Variants in RBPJ observed in about 807,000 individuals in gnomAD.
RBPJ encodes the protein recombining binding protein suppressor of hairless.
In RBPJ, 9 loss-of-function variants were observed where a neutral mutation model predicts 67.8. That is an observed-to-expected ratio of 0.13 (90% CI 0.08 to 0.23). The LOEUF is 0.23. Ranked by LOEUF, RBPJ falls within the 10% of genes least tolerant of loss-of-function variation. The pLI is 1.00. For missense variants in RBPJ, 305 were observed against 595.6 expected (o/e 0.51, Z 5.08); for synonymous variants, 198 against 203.3 (o/e 0.97, Z 0.22).
chr4:26,247,673 G>C (rs1049417004), intron 1 of RBPJ, among the ~76,000 whole-genome samples: 2 of 152,122 alleles, frequency 1.3e-5, no homozygotes, highest in African/African-American at 4.8e-5. Flanking sequence ...GCCTCCCAAA[G>C]TGCTGGGATT....
upstream of RBPJ, among the ~76,000 whole-genome samples, chr4:26,316,453 A>G (rs1243824280): frequency 7.3e-6 from 1 of 136,372 alleles, no homozygotes; most frequent in Non-Finnish European, 1.5e-5. Flanking sequence ...ATACATTCAT[A>G]TATACATTCA....
At chr4:26,321,165 G>A in intron 1 of RBPJ, 117 bp downstream of exon 1, 4 of 487,534 alleles carry the variant, frequency 8.2e-6, no homozygotes, top group East Asian at 5.3e-5. Context: ...GCCCGCGGGG[G>A]CGGCGTCGCG....
chr4:26,248,431 A>G (rs1719996858), intron 1 of RBPJ, among the ~76,000 whole-genome samples: 2 of 152,218 alleles, frequency 1.3e-5, no homozygotes, highest in Admixed American at 1.3e-4. Context: ...CTTTTTAAAT[A>G]TGTGAAGTTC....
upstream of RBPJ, among the ~76,000 whole-genome samples, chr4:26,161,781 T>C (rs1716084804): frequency 6.6e-6 from 1 of 152,146 alleles, no homozygotes; most frequent in Non-Finnish European, 1.5e-5. Flanking sequence ...GTGGCTGCAT[T>C]ATAAGAGCCT....
At chr4:26,215,445 T>C (rs1418081708) in intron 1 of RBPJ, among the ~76,000 whole-genome samples, 2 of 141,302 alleles carry the variant, frequency 1.4e-5, no homozygotes, top group East Asian at 3.9e-4. Flanking sequence ...GACGACTACA[T>C]CAAAGAGGGA....
intron 3 of RBPJ, among the ~76,000 whole-genome samples, chr4:26,407,058 A>G (rs1733491187): frequency 6.6e-6 from 1 of 152,266 alleles, no homozygotes; most frequent in African/African-American, 2.4e-5. Context: ...CTGATCTTAC[A>G]AAATGAAATA....
At chr4:26,273,647 T>G (rs936176104) in intron 1 of RBPJ, among the ~76,000 whole-genome samples, 3 of 152,218 alleles carry the variant, frequency 2.0e-5, no homozygotes, top group African/African-American at 7.2e-5. Flanking sequence ...TACTAATCTT[T>G]CTGCAGAAGA....
At chr4:26,272,920 T>C (rs982881344) in intron 1 of RBPJ, among the ~76,000 whole-genome samples, 1 of 152,222 alleles carries the variant, frequency 6.6e-6, no homozygotes, top group African/African-American at 2.4e-5. Flanking sequence ...AGAGTTTCCA[T>C]GCCTAAGGTG....
At chr4:26,280,610 G>T (rs1366547115) in intron 1 of RBPJ, among the ~76,000 whole-genome samples, 1 of 152,046 alleles carries the variant, frequency 6.6e-6, no homozygotes, top group African/African-American at 2.4e-5. Flanking sequence ...AAATGGCTTG[G>T]AATAATGAAA....
chr4:26,355,916 C>G (rs1460990404), intron 1 of RBPJ, among the ~76,000 whole-genome samples: 4 of 152,180 alleles, frequency 2.6e-5, no homozygotes, highest in Non-Finnish European at 5.9e-5. Flanking sequence ...GAAGGGATTT[C>G]TTCTTCCACC....
intron 1 of RBPJ, among the ~76,000 whole-genome samples, chr4:26,186,656 G>C (rs1717275852): frequency 6.6e-6 from 1 of 152,054 alleles, no homozygotes; most frequent in Non-Finnish European, 1.5e-5. Flanking sequence ...GACCTGCTGA[G>C]GTCCACTCTC....
Position 26,416,636 on chromosome 4 carries a change from C to G in RBPJ, c.321+996C>G, listed in dbSNP as rs557705453. On this transcript the variant is annotated intron_variant, in intron 4 of 10. Coordinates refer to ENST00000355476, the MANE Select transcript of RBPJ (RefSeq NM_015874.6). ...TTTGGAAAATGGTTAGTTCTGATCT[C>G]AATGACTAAACATCTTCTAAAATAG... 2.0e-5 allele frequency among the ~76,000 whole-genome samples: 3 copies of G among 152,318 alleles called. No individual in the cohort carries two copies. In the East Asian group the frequency reaches 5.8e-4, roughly 29 times the overall value.
At chr4:26,378,417 T>C (rs932301788) in intron 1 of RBPJ, among the ~76,000 whole-genome samples, 3 of 152,194 alleles carry the variant, frequency 2.0e-5, no homozygotes, top group Non-Finnish European at 4.4e-5. Flanking sequence ...GAGAAGTTAA[T>C]GGAGACCCGT....
chr4:26,109,460 C>CTCTCTA, the RBPJ span, among the ~76,000 whole-genome samples: 18 of 14,698 alleles, frequency 1.2e-3, 1 homozygote, highest in Admixed American at 2.4e-3. Context: ...CTCTCTCTCT[C>CTCTCTA]TATATATATA....
At chr4:26,244,463 A>G (rs1227885732) in intron 1 of RBPJ, among the ~76,000 whole-genome samples, 3 of 149,538 alleles carry the variant, frequency 2.0e-5, no homozygotes, top group East Asian at 1.9e-4. Context: ...ATATGTGTGT[A>G]TATATGTATA....
At chr4:26,216,290 G>A (rs1428733679) in intron 1 of RBPJ, among the ~76,000 whole-genome samples, 1 of 152,070 alleles carries the variant, frequency 6.6e-6, no homozygotes, top group Non-Finnish European at 1.5e-5. Context: ...GGGACTAGAA[G>A]AACATATCAT....
intron 1 of RBPJ, among the ~76,000 whole-genome samples, chr4:26,301,618 A>T (rs1054320264): frequency 2.0e-5 from 3 of 151,042 alleles, no homozygotes; most frequent in African/African-American, 4.9e-5. Flanking sequence ...AAAAATTTAA[A>T]TTTTTTTTAC....
chr4:26,153,007 C>G, the RBPJ span, among the ~76,000 whole-genome samples: 1 of 152,046 alleles, frequency 6.6e-6, no homozygotes, highest in Admixed American at 6.6e-5. Flanking sequence ...TAATGAGATA[C>G]CATGCGGATG....
chr4:26,121,272 C>G, the RBPJ span, among the ~76,000 whole-genome samples: 1 of 152,040 alleles, frequency 6.6e-6, no homozygotes, highest in Non-Finnish European at 1.5e-5. Flanking sequence ...CTTACTTTGT[C>G]AACAAAAATT....
Sources: gnomAD v4.1 joint callset for allele counts (sites outside exome capture counted in the v4.1 genomes callset) on GRCh38, gnomAD v4.1.1 for gene constraint, MANE v1.5 for transcripts, NCBI Gene and HGNC (gene_info 2026-07-23, HGNC 2026-07-21) for gene names.